The following ACOT11 variants were observed in gnomAD, a reference collection of about 807,000 sequenced individuals.
The protein encoded by ACOT11 is acyl-coenzyme A thioesterase 11.
In ACOT11, 69 loss-of-function variants were observed where a neutral mutation model predicts 77.5. The ratio of observed to expected loss-of-function variants is 0.89; its 90% confidence interval spans 0.73 to 1.09. The LOEUF (loss-of-function observed/expected upper bound fraction) is 1.09, where lower values mean the gene tolerates loss of function less well. Among genes scored for constraint, ACOT11 ranks in the 50% least tolerant of loss-of-function variants. The pLI is 0.00. For missense variants in ACOT11, 766 were observed against 813.7 expected (o/e 0.94, Z 0.71); for synonymous variants, 279 against 313.0 (o/e 0.89, Z 1.15).
At position 54,594,347 on chromosome 1, in the gene ACOT11, G is replaced by T. The variant is rs574251532; in HGVS notation, c.472-209G>T. 4.6e-5 allele frequency among the ~76,000 whole-genome samples: 7 copies of T among 152,328 alleles called. No homozygotes were observed. In the East Asian group the frequency reaches 1.3e-3, roughly 29 times the overall value. ...TCCTCTGAGCCTTTGGCCAAGGAAG[G>T]GACCTGGGTGGGAGCTGGAGGATGA... On this transcript the variant is annotated intron_variant, in intron 5 of 15. Transcript: ENST00000343744.
chr1:54,597,265 A>C lies in ACOT11; in HGVS notation c.614A>C (p.Glu205Ala). The C allele has an allele frequency of 6.2e-7, 1 of 1,612,122 alleles. No homozygotes were observed. The highest frequency in any genetic ancestry group is 8.5e-7 in the Non-Finnish European group (1 of 1,179,998). ...LANCAIQGDL[E>A]SRDCSRMVPA... Reference sequence around the variant, plus strand: ...TTATCCCATCCCTGGTCAGATCTGGAGAGCAGAGACTGTAGCCGCATGGTG... The same window carrying C: ...TTATCCCATCCCTGGTCAGATCTGGCGAGCAGAGACTGTAGCCGCATGGTG... The change falls in exon 7 of 16, where the codon GAG becomes GCG. Residue 205 changes from glutamate to alanine, a missense_variant. Coordinates refer to ENST00000343744, the MANE Select transcript of ACOT11 (RefSeq NM_147161.4).
At chr1:54,576,528 T>A (rs1654122390) in intron 1 of ACOT11, among the ~76,000 whole-genome samples, 2 of 149,830 alleles carry the variant, frequency 1.3e-5, no homozygotes, top group African/African-American at 5.0e-5. Flanking sequence ...AGCAGAATTT[T>A]GTAAATATCT....
Position 54,602,709 on chromosome 1 carries a change from A to C in ACOT11, c.1070A>C (p.Lys357Thr). 1 of 1,555,452 alleles carries C rather than the reference A, an allele frequency of 6.4e-7. No individual in the cohort carries two copies. ...TACCGAGAGGCCAGTGCCAGAAAGA[A>C]GATCCGCCTGGACAGGTGAGTAGGG... The part of the protein sequence containing the change: ...RRYREASARK[K>T]IRLDRKYIVS... Residue 357 changes from lysine to threonine, a missense_variant, in exon 10 of 16, where the codon AAG (lysine) becomes ACG (threonine). Transcript: ENST00000343744.
At chr1:54,617,261 G>A (rs1644182548) in intron 15 of ACOT11, among the ~76,000 whole-genome samples, 1 of 152,158 alleles carries the variant, frequency 6.6e-6, no homozygotes, top group Non-Finnish European at 1.5e-5. Flanking sequence ...CACTTGAAGA[G>A]TGTAGTGGAG....
chr1:54,586,054 T>A, intron 3 of ACOT11, 150 bp downstream of exon 3: 2 of 542,550 alleles, frequency 3.7e-6, no homozygotes, highest in Non-Finnish European at 5.9e-6. Flanking sequence ...TCTGGGGAAG[T>A]GTGAACCCCT....
chr1:54,610,644 C>A (rs1049874986), downstream of ACOT11: 2 of 1,533,688 alleles, frequency 1.3e-6, no homozygotes, highest in Non-Finnish European at 1.8e-6. Flanking sequence ...CACAGCTCTA[C>A]GGGCATCCTC....
At chr1:54,578,236 G>T (rs983551553) in intron 1 of ACOT11, among the ~76,000 whole-genome samples, 1 of 152,170 alleles carries the variant, frequency 6.6e-6, no homozygotes, top group Non-Finnish European at 1.5e-5. Flanking sequence ...TCAGCCTGGT[G>T]ACCCTAAACA....
intron 8 of ACOT11, chr1:54,599,771 T>C (rs1643941331): frequency 6.1e-6 from 1 of 162,670 alleles, no homozygotes; most frequent in Admixed American, 6.4e-5. Context: ...TGCCAGTGTT[T>C]GGTTATTTAT....
Position 54,602,728 on chromosome 1 carries a change from A to C in ACOT11, c.1085+4A>C. On this transcript the variant is annotated splice_donor_region_variant and intron_variant, in intron 10 of 15. Transcript: ENST00000343744. ...GAAAGAAGATCCGCCTGGACAGGTG[A>C]GTAGGGGCTGAGTGGTGGGCAGAAT... is the stretch of plus-strand genomic sequence containing the variant. The C allele has an allele frequency of 6.5e-7, 1 of 1,542,194 alleles. No individual in the cohort carries two copies. Among genetic ancestry groups the C allele is most frequent in the Non-Finnish European group, 8.7e-7 (1 of 1,144,766 alleles).
chr1:54,557,418 T>G (rs1653299783), intron 1 of ACOT11, among the ~76,000 whole-genome samples: 1 of 147,526 alleles, frequency 6.8e-6, no homozygotes, highest in Admixed American at 6.8e-5. Flanking sequence ...AAGAAAAAAA[T>G]TAAATTATTT....
chr1:54,594,315 C>G (rs367983905), intron 5 of ACOT11, among the ~76,000 whole-genome samples: 1 of 152,188 alleles, frequency 6.6e-6, no homozygotes, highest in Non-Finnish European at 1.5e-5. Flanking sequence ...TACAGTGACA[C>G]CCCCCATCCT....
At chr1:54,613,214 T>C (rs1371912037), downstream of ACOT11, among the ~76,000 whole-genome samples, 3 of 151,944 alleles carry the variant, frequency 2.0e-5, no homozygotes, top group Non-Finnish European at 4.4e-5. Flanking sequence ...ACCCTGTCTC[T>C]ACTAAAAATA....
At chr1:54,553,519 A>G (rs1250799206) in intron 1 of ACOT11, among the ~76,000 whole-genome samples, 2 of 152,064 alleles carry the variant, frequency 1.3e-5, no homozygotes, top group Non-Finnish European at 2.9e-5. Flanking sequence ...TGTTTTTATC[A>G]TGTACAAATG....
intron 1 of ACOT11, among the ~76,000 whole-genome samples, chr1:54,565,359 C>CAACTGAT (rs891807672): frequency 3.3e-5 from 5 of 152,156 alleles, no homozygotes; most frequent in Admixed American, 2.6e-4. Context: ...TGCTGGGAGG[C>CAACTGAT]AACTGATAAC....
At position 54,597,418 on chromosome 1, in the gene ACOT11, G is replaced by T. The variant is rs771375820; in HGVS notation, c.764+3G>T. On this transcript the variant is annotated splice_donor_region_variant and intron_variant, in intron 7 of 15. Transcript: ENST00000343744. The stretch of plus-strand genomic sequence containing the variant: ...AATGTGGCCACCATTGCAGCCAGGT[G>T]AGGGCAGGGTGTGCTGCCTCTGCCT... 2 of 1,609,310 alleles carry T rather than the reference G, an allele frequency of 1.2e-6. No individual in the cohort carries two copies. The highest frequency in any genetic ancestry group is 2.2e-5 in the South Asian group (2 of 90,392).
chr1:54,548,692 T>G, intron 1 of ACOT11: 1 of 343,008 alleles, frequency 2.9e-6, no homozygotes, highest in South Asian at 3.7e-5. Flanking sequence ...GGCCTTGTGG[T>G]GCTTCATGCT....
At chr1:54,560,885 C>T (rs299858) in intron 1 of ACOT11, among the ~76,000 whole-genome samples, 6,451 of 152,162 alleles carry the variant, frequency 0.042, 436 homozygotes, top group African/African-American at 0.14. Flanking sequence ...CCATGCCCGG[C>T]TAATTGTTTG....
intron 6 of ACOT11, 61 bp downstream of exon 6, chr1:54,594,752 C>A: frequency 6.4e-7 from 1 of 1,554,164 alleles, no homozygotes; most frequent in South Asian, 1.2e-5. Context: ...CCCCTCTGCC[C>A]CGGGCTCCCA....
At chr1:54,599,642 C>T (rs1447109364) in intron 8 of ACOT11, 4 of 308,746 alleles carry the variant, frequency 1.3e-5, no homozygotes, top group African/African-American at 4.3e-5. Context: ...AGGGACCCCT[C>T]CTCTGGGATC....
Sources: allele counts gnomAD v4.1 joint callset (sites outside exome capture counted in the v4.1 genomes callset), GRCh38; gene constraint gnomAD v4.1.1; transcripts MANE v1.5; gene names NCBI Gene and HGNC (gene_info 2026-07-23, HGNC 2026-07-21).